The following NELL1 variants were observed in gnomAD, a reference collection of about 807,000 sequenced individuals.
NELL1 encodes protein kinase C-binding protein NELL1.
NELL1 carries 76 observed loss-of-function variants against 107.4 expected under a neutral mutation model. That is an observed-to-expected ratio of 0.71 (90% CI 0.59 to 0.86). The LOEUF is 0.86. Ranked by LOEUF, NELL1 falls within the 40% of genes least tolerant of loss-of-function variation. The probability of loss-of-function intolerance (pLI) is 0.00; values close to 1 mark genes in which losing one functional copy is unlikely to be tolerated. For missense variants in NELL1, 1,024 were observed against 1,005.5 expected (o/e 1.02, Z -0.25); for synonymous variants, 353 against 341.2 (o/e 1.03, Z -0.38).
At chr11:21,191,998 A>C (rs990540253) in intron 13 of NELL1, among the ~76,000 whole-genome samples, 26 of 151,942 alleles carry the variant, frequency 1.7e-4, no homozygotes, top group African/African-American at 6.1e-4. Context: ...ATTGTAGAAA[A>C]ATAGTGTTGG....
In NELL1 at chr11:21,560,279, C is replaced by G. The variant is rs1405257121; in HGVS notation, c.1877C>G (p.Ser626Cys). The G allele has an allele frequency of 6.2e-7, 1 of 1,613,432 alleles. No homozygotes were observed. The highest frequency in any genetic ancestry group is 1.3e-5 in the African/African-American group (1 of 74,902). Residue 626 changes from serine to cysteine, a missense_variant, in exon 17 of 20, where the codon TCT becomes TGT. Transcript: ENST00000357134. ...LAGGFDCLCP[S>C]GPSCSGDCPH... ...GGGGGCTTTGACTGTCTCTGCCCCT[C>G]TGGGCCCTCCTGCTCTGGTGACTGT...
At chr11:21,136,952 T>A (rs75547709) in intron 13 of NELL1, among the ~76,000 whole-genome samples, 1 of 152,190 alleles carries the variant, frequency 6.6e-6, no homozygotes, top group Non-Finnish European at 1.5e-5. Flanking sequence ...GCTAGGCGTA[T>A]CCTTAAAGGC....
At chr11:20,712,635 C>T (rs544122672) in intron 2 of NELL1, among the ~76,000 whole-genome samples, 2 of 152,308 alleles carry the variant, frequency 1.3e-5, no homozygotes, top group Admixed American at 1.3e-4. Context: ...CAACTAAAGG[C>T]CTGCTGTTCA....
chr11:21,335,013 G>A (rs892250279), intron 14 of NELL1, among the ~76,000 whole-genome samples: 1 of 151,856 alleles, frequency 6.6e-6, no homozygotes, highest in Admixed American at 6.6e-5. Flanking sequence ...TTAGAGGCAT[G>A]GTGTCCTCTC....
chr11:20,788,890 G>A (rs1292643184), intron 3 of NELL1, among the ~76,000 whole-genome samples: 5 of 151,968 alleles, frequency 3.3e-5, no homozygotes, highest in African/African-American at 1.2e-4. Flanking sequence ...TTATCTCTTA[G>A]ATGTATTTTG....
At chr11:21,556,049 T>C (rs903080073) in intron 16 of NELL1, among the ~76,000 whole-genome samples, 4 of 151,946 alleles carry the variant, frequency 2.6e-5, no homozygotes, top group African/African-American at 9.7e-5. Context: ...TTTACTTATT[T>C]TGCTAACGTG....
intron 15 of NELL1, among the ~76,000 whole-genome samples, chr11:21,455,391 G>T (rs966347738): frequency 1.4e-5 from 2 of 147,206 alleles, no homozygotes; most frequent in Admixed American, 6.9e-5. Context: ...GAGTGTGTTG[G>T]CATGGTCATG....
chr11:21,050,524 C>T (rs1011533081), intron 12 of NELL1, among the ~76,000 whole-genome samples: 9 of 151,926 alleles, frequency 5.9e-5, no homozygotes, highest in East Asian at 1.9e-4. Flanking sequence ...TTATCTGACT[C>T]GGAGAAGAGA....
At chr11:20,817,565 T>C (rs2134020467) in intron 3 of NELL1, among the ~76,000 whole-genome samples, 1 of 152,194 alleles carries the variant, frequency 6.6e-6, no homozygotes, top group East Asian at 1.9e-4. Flanking sequence ...CTATCAATCT[T>C]CTTTATCCTT....
At chr11:20,822,107 G>A (rs1170805694) in intron 3 of NELL1, among the ~76,000 whole-genome samples, 2 of 152,204 alleles carry the variant, frequency 1.3e-5, no homozygotes, top group Admixed American at 6.5e-5. Flanking sequence ...GTGGACAGGA[G>A]CAGATGATAA....
chr11:21,240,216 A>G (rs1275212234), intron 14 of NELL1, among the ~76,000 whole-genome samples: 1 of 152,040 alleles, frequency 6.6e-6, no homozygotes, highest in Non-Finnish European at 1.5e-5. Context: ...AACTGTTCAT[A>G]TTGTTTGTAA....
chr11:20,907,457 G>A (rs2134141727), intron 5 of NELL1, among the ~76,000 whole-genome samples: 1 of 152,054 alleles, frequency 6.6e-6, no homozygotes, highest in Admixed American at 6.6e-5. Flanking sequence ...TGGCCAATAA[G>A]CACATGAAAA....
At chr11:21,352,121 TCTTC>T (rs1247479013) in intron 14 of NELL1, among the ~76,000 whole-genome samples, 2 of 152,166 alleles carry the variant, frequency 1.3e-5, no homozygotes, top group East Asian at 1.9e-4. Context: ...CTGTTCTCGG[TCTTC>T]CTTTATGTTT....
chr11:21,305,581 A>G (rs76633195), intron 14 of NELL1, among the ~76,000 whole-genome samples: 2,169 of 152,070 alleles, frequency 0.014, 55 homozygotes, highest in African/African-American at 0.049. Flanking sequence ...CTACAAGGCG[A>G]TGTTGTGAAT....
intron 12 of NELL1, among the ~76,000 whole-genome samples, chr11:21,041,959 G>T (rs1372298897): frequency 6.6e-6 from 1 of 152,206 alleles, no homozygotes; most frequent in African/African-American, 2.4e-5. Flanking sequence ...GCTGGTGTGT[G>T]CACCGCCACA....
intron 5 of NELL1, among the ~76,000 whole-genome samples, chr11:20,897,628 G>A (rs1044044503): frequency 6.6e-6 from 1 of 152,008 alleles, no homozygotes; most frequent in Non-Finnish European, 1.5e-5. Context: ...GAGTGAACAG[G>A]AAACCTACAG....
At chr11:20,984,250 T>C in intron 12 of NELL1, among the ~76,000 whole-genome samples, 1 of 152,210 alleles carries the variant, frequency 6.6e-6, no homozygotes, top group Non-Finnish European at 1.5e-5. Flanking sequence ...AATAAACTGT[T>C]TGATACATAT....
At chr11:21,186,660 A>G (rs1856942137) in intron 13 of NELL1, among the ~76,000 whole-genome samples, 2 of 151,812 alleles carry the variant, frequency 1.3e-5, no homozygotes, top group Admixed American at 6.6e-5. Context: ...CTTATGTCCA[A>G]TATTCTTGAT....
chr11:21,453,855 T>C (rs535976329), intron 15 of NELL1, among the ~76,000 whole-genome samples: 1 of 151,856 alleles, frequency 6.6e-6, no homozygotes, highest in African/African-American at 2.4e-5. Context: ...ATACACATCT[T>C]TAGCTACCTA....
Sources: allele counts gnomAD v4.1 joint callset (sites outside exome capture counted in the v4.1 genomes callset), GRCh38; gene constraint gnomAD v4.1.1; transcripts MANE v1.5; gene names NCBI Gene and HGNC (gene_info 2026-07-23, HGNC 2026-07-21).